Variants in ANK3 observed in about 807,000 individuals in gnomAD.
ANK3 encodes the protein ankyrin-3.
ANK3 carries 57 observed loss-of-function variants against 370.9 expected under a neutral mutation model. The ratio of observed to expected loss-of-function variants is 0.15; its 90% CI spans 0.12 to 0.19. The LOEUF is 0.19. Ranked by LOEUF, ANK3 falls within the 10% of genes least tolerant of loss-of-function variation. The pLI is 1.00. For missense variants in ANK3, 4,439 were observed against 5,302.1 expected (o/e 0.84, Z 5.06); for synonymous variants, 1,929 against 1,946.3 (o/e 0.99, Z 0.23).
At chr10:60,263,397 G>C (rs893485494) in intron 6 of ANK3, among the ~76,000 whole-genome samples, 1 of 152,136 alleles carries the variant, frequency 6.6e-6, no homozygotes, top group South Asian at 2.1e-4. Context: ...TTTTGGCTGC[G>C]GCTCTCTTGC....
chr10:60,293,278 AG>A (rs2041845592), intron 1 of ANK3, among the ~76,000 whole-genome samples: 1 of 152,200 alleles, frequency 6.6e-6, no homozygotes, highest in Admixed American at 6.5e-5. Context: ...TGATAGCATT[AG>A]TCATTTACAT....
At position 60,641,210 on chromosome 10, in the gene ANK3, G is replaced by A. The variant is rs867225117; in HGVS notation, c.58-25986C>T. On this transcript the variant is annotated intron_variant, in intron 1 of 43. Transcript: ENST00000373827. ...TGTGAAAATGGCCATACTGCCCACG[G>A]TAATTTATAGATTCAATGCCATCCC... Among the ~76,000 whole-genome samples the A allele has an allele frequency of 3.7e-4, 55 of 147,036 alleles. 1 individual carries two copies. In the East Asian group the frequency reaches 8.5e-3, roughly 23 times the overall value.
Position 60,520,902 on chromosome 10 carries a change from G to T in ANK3, c.96+94284C>A, listed in dbSNP as rs2076331649. ...CTTTGAATTCCTACTTTGCTCAAAA[G>T]TCCTAATCATTTTTCCATTTTACAA... On this transcript the variant is annotated intron_variant, in intron 2 of 43. Coordinates refer to the ANK3 transcript ENST00000373827. Among the ~76,000 whole-genome samples the T allele has an allele frequency of 3.3e-5, 5 of 151,436 alleles. No individual in the cohort carries two copies. The Admixed American group carries it at 3.3e-4, about 10-fold the overall frequency.
intron 1 of ANK3, among the ~76,000 whole-genome samples, chr10:60,639,618 G>A (rs559920432): frequency 4.0e-5 from 6 of 151,888 alleles, no homozygotes; most frequent in African/African-American, 1.4e-4. Flanking sequence ...ATTCTTACAT[G>A]GGTGGTATAT....
chr10:60,080,425 G>T, intron 36 of ANK3, 112 bp downstream of exon 36: 2 of 898,290 alleles, frequency 2.2e-6, no homozygotes, highest in Non-Finnish European at 3.5e-6. Context: ...TTTCCTGCAG[G>T]CAATTTTTCT....
At chr10:60,260,957 C>T (rs931750006) in intron 7 of ANK3, among the ~76,000 whole-genome samples, 6 of 152,154 alleles carry the variant, frequency 3.9e-5, no homozygotes, top group South Asian at 2.1e-4. Flanking sequence ...ACACTACTGC[C>T]GCTGCTGTTA....
intron 28 of ANK3, among the ~76,000 whole-genome samples, chr10:60,094,557 C>G (rs995077730): frequency 6.6e-6 from 1 of 151,996 alleles, no homozygotes; most frequent in African/African-American, 2.4e-5. Flanking sequence ...TAAGTTTTTT[C>G]TCTAAGAATA....
intron 1 of ANK3, among the ~76,000 whole-genome samples, chr10:60,316,131 T>C (rs1055344519): frequency 6.6e-6 from 1 of 152,126 alleles, no homozygotes; most frequent in African/African-American, 2.4e-5. Flanking sequence ...ACTTGAGAAC[T>C]CCATACAACT....
At chr10:60,341,599 T>G (rs1393934248) in intron 1 of ANK3, among the ~76,000 whole-genome samples, 5 of 152,198 alleles carry the variant, frequency 3.3e-5, no homozygotes, top group African/African-American at 1.2e-4. Context: ...TGCTTTGCAC[T>G]TTATCCACTT....
chr10:60,530,962 T>C (rs1006379992), intron 2 of ANK3, among the ~76,000 whole-genome samples: 1 of 152,152 alleles, frequency 6.6e-6, no homozygotes, highest in Admixed American at 6.5e-5. Context: ...ACTCTTCATT[T>C]AATACATTAA....
chr10:60,053,767 A>G, intron 42 of ANK3: 1 of 1,297,940 alleles, frequency 7.7e-7, no homozygotes, highest in Non-Finnish European at 1.0e-6. Flanking sequence ...GTTTTCTGAG[A>G]TCATACATCA....
chr10:60,033,560 G>T (rs1332062286), intron 43 of ANK3, among the ~76,000 whole-genome samples: 1 of 146,992 alleles, frequency 6.8e-6, no homozygotes, highest in African/African-American at 2.5e-5. Flanking sequence ...GCAATTCATT[G>T]GATTTTCATG....
chr10:60,432,092 A>C (rs891611486), intron 2 of ANK3, among the ~76,000 whole-genome samples: 5 of 152,242 alleles, frequency 3.3e-5, no homozygotes, highest in African/African-American at 1.2e-4. Flanking sequence ...TTTATAAATA[A>C]GTACTTGACT....
At chr10:60,685,629 A>C (rs2079257995) in intron 1 of ANK3, among the ~76,000 whole-genome samples, 1 of 152,254 alleles carries the variant, frequency 6.6e-6, no homozygotes. Flanking sequence ...AAACATTGGC[A>C]ATACATTTAA....
chr10:60,225,642 AT>A (rs939660757), intron 8 of ANK3, among the ~76,000 whole-genome samples: 2 of 152,150 alleles, frequency 1.3e-5, no homozygotes, highest in Admixed American at 6.6e-5. Flanking sequence ...AAATACATTA[AT>A]TAGCTTCCTT....
chr10:60,158,685 C>CTTTTTTTT lies in ANK3; in HGVS notation c.2614+7898_2614+7905dup, dbSNP rs141741941. Among the ~76,000 whole-genome samples, 15 of 132,700 alleles carry CTTTTTTTT rather than the reference C, an allele frequency of 1.1e-4. 6 individuals carry two copies. Among genetic ancestry groups the CTTTTTTTT allele is most frequent in the Non-Finnish European group, 2.0e-4 (13 of 64,466 alleles). 87.1% of individuals were successfully genotyped at this position (132,700 alleles called of 152,430 possible). A position where few individuals can be genotyped will look rare whatever the true frequency, so the allele number is the denominator to read the frequency against. The stretch of plus-strand genomic sequence containing the variant: ...TACTACAAGAGAAAGCACTTTTTTT[C>CTTTTTTTT]TTTTTTTTGAGACAGAATCTCATTC... On this transcript the variant is annotated intron_variant, in intron 23 of 43. Coordinates refer to ENST00000280772, the MANE Select transcript of ANK3 (RefSeq NM_020987.5).
chr10:60,474,386 A>G (rs2075003760), intron 2 of ANK3, among the ~76,000 whole-genome samples: 1 of 152,198 alleles, frequency 6.6e-6, no homozygotes, highest in Non-Finnish European at 1.5e-5. Flanking sequence ...AACATTCTTT[A>G]GATCACTGAA....
intron 2 of ANK3, among the ~76,000 whole-genome samples, chr10:60,471,845 T>G (rs1024478233): frequency 6.6e-6 from 1 of 151,820 alleles, no homozygotes; most frequent in Non-Finnish European, 1.5e-5. Flanking sequence ...GAGATGAAAA[T>G]GTGCTTTCAT....
chr10:60,128,948 C>G (rs1242514047), intron 25 of ANK3, among the ~76,000 whole-genome samples: 2 of 152,304 alleles, frequency 1.3e-5, no homozygotes, highest in East Asian at 3.9e-4. Context: ...CTGTACCAGA[C>G]AGTTGCTTTC....
Sources: gnomAD v4.1 joint callset for allele counts (sites outside exome capture counted in the v4.1 genomes callset) on GRCh38, gnomAD v4.1.1 for gene constraint, MANE v1.5 for transcripts, NCBI Gene and HGNC (gene_info 2026-07-23, HGNC 2026-07-21) for gene names.